The following ATP11A variants were observed in gnomAD, a reference collection of about 807,000 sequenced individuals.
The protein encoded by ATP11A is phospholipid-transporting ATPase IH.
Under a neutral mutation model 154.4 loss-of-function variants are expected in ATP11A, and 81 were observed. The ratio of observed to expected loss-of-function variants is 0.52; its 90% CI spans 0.44 to 0.63. ATP11A has a LOEUF of 0.63. ATP11A is among the 30% of genes least tolerant of loss of function. ATP11A has a pLI of 0.00. For synonymous variants in ATP11A, 623 were observed against 585.9 expected (o/e 1.06, Z -0.91); for missense variants, 1,316 against 1,474.3 (o/e 0.89, Z 1.76).
At chr13:112,808,561 A>C (rs2078392162) in intron 4 of ATP11A, among the ~76,000 whole-genome samples, 1 of 151,252 alleles carries the variant, frequency 6.6e-6, no homozygotes. Context: ...ACTTTCCCAA[A>C]TGGCCTCCCC....
At chr13:112,877,596 A>G (rs2080768035) in intron 28 of ATP11A, among the ~76,000 whole-genome samples, 1 of 152,102 alleles carries the variant, frequency 6.6e-6, no homozygotes, top group East Asian at 1.9e-4. Context: ...CTGTGGCCAC[A>G]GTGGTGTGGC....
intron 1 of ATP11A, among the ~76,000 whole-genome samples, chr13:112,752,772 C>G (rs2076725311): frequency 6.6e-6 from 1 of 152,194 alleles, no homozygotes; most frequent in Non-Finnish European, 1.5e-5. Flanking sequence ...CCGATAACCA[C>G]AGTGTCCTTG....
chr13:112,831,245 A>G, intron 12 of ATP11A, 130 bp from the exon 13 acceptor site: 1 of 1,007,518 alleles, frequency 9.9e-7, no homozygotes, highest in East Asian at 2.6e-5. Flanking sequence ...TCTGGGGGAA[A>G]GCCTTTAGAA....
intron 1 of ATP11A, among the ~76,000 whole-genome samples, chr13:112,719,651 G>A (rs199999000): frequency 3.8e-4 from 4 of 10,546 alleles, no homozygotes; most frequent in African/African-American, 5.3e-4. Flanking sequence ...TGAACTTCAG[G>A]TTACTTCAGG....
intron 2 of ATP11A, among the ~76,000 whole-genome samples, chr13:112,788,132 G>A (rs544094478): frequency 0.018 from 2,629 of 149,304 alleles, 55 homozygotes; most frequent in African/African-American, 0.063. Flanking sequence ...TCCACACCGG[G>A]TGTCCTGATG....
chr13:112,792,568 A>T (rs2077888766), intron 2 of ATP11A, among the ~76,000 whole-genome samples: 1 of 152,214 alleles, frequency 6.6e-6, no homozygotes, highest in Non-Finnish European at 1.5e-5. Flanking sequence ...GAGGATGAAA[A>T]TGCTGTCGGG....
intron 20 of ATP11A, 106 bp downstream of exon 20, chr13:112,856,191 C>A: frequency 1.7e-6 from 2 of 1,150,016 alleles, no homozygotes; most frequent in Non-Finnish European, 1.2e-6. Context: ...TAGCAGGGTA[C>A]CACCTGTTAA....
chr13:112,728,999 T>C (rs562231034), intron 1 of ATP11A, among the ~76,000 whole-genome samples: 18 of 152,262 alleles, frequency 1.2e-4, no homozygotes, highest in African/African-American at 3.1e-4. Flanking sequence ...TAAAGCAGGT[T>C]TTCACGTTGG....
chr13:112,771,343 T>C (rs569381607), intron 1 of ATP11A, among the ~76,000 whole-genome samples: 1 of 152,304 alleles, frequency 6.6e-6, no homozygotes, highest in African/African-American at 2.4e-5. Flanking sequence ...CAGAGACACC[T>C]TGGAATCCCA....
intron 1 of ATP11A, among the ~76,000 whole-genome samples, chr13:112,721,753 C>T (rs369857842): frequency 5.4e-4 from 82 of 152,298 alleles, no homozygotes; most frequent in African/African-American, 1.9e-3. Context: ...TGGCCCCCAG[C>T]GAATGACATT....
Position 112,836,159 on chromosome 13 carries a change from T to G in ATP11A, c.1632-19T>G, listed in dbSNP as rs143838688. ...GAGCACCCGTGTGGACGGTGTGACC[T>G]TCTGCATTTCTCTTTCAGGTTTGAA... On this transcript the variant is annotated intron_variant, in intron 15 of 29. Coordinates refer to ENST00000375645, the MANE Select transcript of ATP11A (RefSeq NM_015205.3). The G allele has an allele frequency of 1.0e-4, 165 of 1,599,790 alleles. 1 individual carries two copies. The East Asian group carries it at 3.5e-3, about 34-fold the overall frequency.
chr13:112,724,307 A>G (rs1216536997), intron 1 of ATP11A, among the ~76,000 whole-genome samples: 1 of 151,578 alleles, frequency 6.6e-6, no homozygotes, highest in Non-Finnish European at 1.5e-5. Context: ...AGTCTCAGGG[A>G]CCACCTACAC....
chr13:112,726,373 GA>G (rs1889893493), intron 1 of ATP11A, among the ~76,000 whole-genome samples: 1 of 152,092 alleles, frequency 6.6e-6, no homozygotes, highest in African/African-American at 2.4e-5. Flanking sequence ...GGGCTGTGGG[GA>G]AACACAGTCT....
intron 1 of ATP11A, among the ~76,000 whole-genome samples, chr13:112,705,501 G>T (rs1036231870): frequency 6.6e-5 from 10 of 152,064 alleles, no homozygotes; most frequent in African/African-American, 2.4e-4. Flanking sequence ...AGGATGGAAG[G>T]CACATGGCAT....
rs114292769 is a variant in ATP11A, at chr13:112,873,763, C to T, written c.3161+87C>T. On this transcript the variant is annotated intron_variant, in intron 27 of 29. Coordinates refer to ENST00000375645, the MANE Select transcript of ATP11A (RefSeq NM_015205.3). ...AAGGGTTGAAGACACATTTTCCGTG[C>T]GGCCCTGTTGGTTGGGGCAAGTGTT... 1.2e-3 allele frequency: 1,596 copies of T among 1,336,934 alleles called. 24 individuals are homozygous for T. The African/African-American group carries it at 0.02, about 17-fold the overall frequency. 82.8% of individuals were successfully genotyped at this position (1,336,934 alleles called of 1,614,324 possible).
At chr13:112,715,277 G>A (rs1046438213) in intron 1 of ATP11A, among the ~76,000 whole-genome samples, 2 of 151,692 alleles carry the variant, frequency 1.3e-5, no homozygotes, top group Non-Finnish European at 2.9e-5. Flanking sequence ...TGCTTCTACA[G>A]AGAGGCACCA....
In ATP11A at chr13:112,882,377, G is replaced by T; in HGVS notation, c.*511G>T. 1 of 371,956 alleles carries T rather than the reference G, an allele frequency of 2.7e-6. No individual in the cohort carries two copies. Among genetic ancestry groups the T allele is most frequent in the Non-Finnish European group, 5.1e-6 (1 of 197,856 alleles). 23.0% of individuals were successfully genotyped at this position (371,956 alleles called of 1,614,324 possible). A position where few individuals can be genotyped will look rare whatever the true frequency, so the allele number is the denominator to read the frequency against. On this transcript the variant is annotated 3_prime_UTR_variant, in exon 30 of 30. Transcript: ENST00000375645. This position sits in a 1 kb window ranked among gnomAD's most constrained non-coding sequence, Gnocchi z 5.1. ...CAGGGACCCATGGTGGCCCACATGT[G>T]GATGCCACATGCTGCTGTTTCCTGC...
intron 12 of ATP11A, among the ~76,000 whole-genome samples, chr13:112,830,952 C>A (rs371397499): frequency 6.6e-6 from 1 of 152,074 alleles, no homozygotes; most frequent in Non-Finnish European, 1.5e-5. Context: ...AGAGTAAGTT[C>A]GTCCTCTCTG....
At chr13:112,752,904 G>A (rs2076729618) in intron 1 of ATP11A, among the ~76,000 whole-genome samples, 1 of 152,184 alleles carries the variant, frequency 6.6e-6, no homozygotes, top group African/African-American at 2.4e-5. Context: ...AGCAGCTGCC[G>A]AAGGAGCCGT....
Sources: gnomAD v4.1 joint callset for allele counts (sites outside exome capture counted in the v4.1 genomes callset) on GRCh38, gnomAD v4.1.1 for gene constraint, Gnocchi (gnomAD v3.1) non-coding constraint, MANE v1.5 for transcripts, NCBI Gene and HGNC (gene_info 2026-07-23, HGNC 2026-07-21) for gene names.